The following MAST4 variants were observed in gnomAD, a reference collection of about 807,000 sequenced individuals.
MAST4 encodes the protein microtubule-associated serine/threonine-protein kinase 4.
Under a neutral mutation model 162.7 loss-of-function variants are expected in MAST4, and 89 were observed. The ratio of observed to expected loss-of-function variants is 0.55; its 90% confidence interval spans 0.46 to 0.65. MAST4 has a LOEUF of 0.65. Ranked by LOEUF, MAST4 falls within the 30% of genes least tolerant of loss-of-function variation. MAST4 has a pLI of 0.00. For missense variants in MAST4, 3,153 were observed against 3,374.0 expected (o/e 0.93, Z 1.62); for synonymous variants, 1,479 against 1,361.1 (o/e 1.09, Z -1.91).
chr5:66,976,841 A>C (rs1373833505), intron 4 of MAST4, among the ~76,000 whole-genome samples: 1 of 151,770 alleles, frequency 6.6e-6, no homozygotes, highest in Non-Finnish European at 1.5e-5. Flanking sequence ...TTTGAGATTA[A>C]ATAGAATATG....
chr5:67,057,373 T>A (rs1758965031), intron 5 of MAST4, among the ~76,000 whole-genome samples: 1 of 151,510 alleles, frequency 6.6e-6, no homozygotes, highest in African/African-American at 2.4e-5. Flanking sequence ...TTTTCTTAGG[T>A]GGGGATTACA....
At chr5:66,664,514 C>G (rs1273006343) in intron 1 of MAST4, among the ~76,000 whole-genome samples, 1 of 146,028 alleles carries the variant, frequency 6.8e-6, no homozygotes, top group Admixed American at 7.0e-5. Context: ...GCTTACAAGA[C>G]AGCCAAGTGT....
chr5:67,038,699 AT>A (rs1262734128), intron 4 of MAST4, among the ~76,000 whole-genome samples: 1 of 152,176 alleles, frequency 6.6e-6, no homozygotes, highest in Non-Finnish European at 1.5e-5. Context: ...ATATTGACAC[AT>A]TTAGATACAA....
At chr5:66,752,288 A>G (rs1329497361) in intron 1 of MAST4, among the ~76,000 whole-genome samples, 1 of 151,960 alleles carries the variant, frequency 6.6e-6, no homozygotes, top group Non-Finnish European at 1.5e-5. Context: ...AAATTCACAC[A>G]TAACAATATT....
intron 4 of MAST4, among the ~76,000 whole-genome samples, chr5:67,045,629 G>T (rs1218746061): frequency 6.6e-6 from 1 of 152,114 alleles, no homozygotes; most frequent in East Asian, 1.9e-4. Flanking sequence ...CAACCTGAAA[G>T]GAAAAGTCCA....
At chr5:67,097,850 T>C (rs1764627980) in intron 7 of MAST4, among the ~76,000 whole-genome samples, 1 of 152,134 alleles carries the variant, frequency 6.6e-6, no homozygotes, top group Admixed American at 6.5e-5. Flanking sequence ...TATTTTTTTC[T>C]CCTTATTGAT....
Position 67,145,167 on chromosome 5 carries a change from C to T in MAST4, c.2882C>T (p.Ser961Phe). 1 of 1,611,450 alleles carries T rather than the reference C, an allele frequency of 6.2e-7. No homozygotes were observed. Among genetic ancestry groups the T allele is most frequent in the Non-Finnish European group, 8.5e-7 (1 of 1,178,714 alleles). Reference sequence around the variant, plus strand: ...AGGCAACAGCTATCAACATCCAACTCTTCAGATACTGAAAGCAACAGACAT... The same window carrying T: ...AGGCAACAGCTATCAACATCCAACTTTTCAGATACTGAAAGCAACAGACAT... ...SEMQQLSTSN[S>F]SDTESNRHKL... is the part of the protein sequence containing the mutation. Residue 961 changes from serine to phenylalanine, a missense_variant, in exon 23 of 29, where the codon TCT (serine) becomes TTT (phenylalanine). Coordinates refer to ENST00000403625, the MANE Select transcript of MAST4 (RefSeq NM_001164664.2).
intron 14 of MAST4, among the ~76,000 whole-genome samples, chr5:67,124,821 C>T (rs1414573897): frequency 2.0e-5 from 3 of 152,148 alleles, no homozygotes; most frequent in African/African-American, 7.2e-5. Context: ...AGAATAAAGA[C>T]TAAAGCCGTT....
chr5:66,915,775 A>C (rs1764076949), intron 4 of MAST4, among the ~76,000 whole-genome samples: 1 of 152,176 alleles, frequency 6.6e-6, no homozygotes, highest in South Asian at 2.1e-4. Flanking sequence ...TGTCTCAGGG[A>C]CACAGGTCCT....
chr5:67,041,610 A>T (rs1756749763), intron 4 of MAST4, among the ~76,000 whole-genome samples: 1 of 152,196 alleles, frequency 6.6e-6, no homozygotes, highest in African/African-American at 2.4e-5. Context: ...TAATCTCCAC[A>T]TAGCCCTCTG....
At chr5:67,045,596 G>C (rs1356347574) in intron 4 of MAST4, among the ~76,000 whole-genome samples, 2 of 152,160 alleles carry the variant, frequency 1.3e-5, no homozygotes, top group Admixed American at 1.3e-4. Flanking sequence ...TATTTTTACT[G>C]TACCTCTATG....
intron 27 of MAST4, 46 bp from the exon 28 acceptor site, chr5:67,162,561 A>G: frequency 6.3e-7 from 1 of 1,582,028 alleles, no homozygotes; most frequent in South Asian, 1.1e-5. Flanking sequence ...GGAGGCAGCA[A>G]TAGTTCTGAA....
At chr5:67,146,572 A>C (rs565821880) in intron 23 of MAST4, among the ~76,000 whole-genome samples, 1 of 152,374 alleles carries the variant, frequency 6.6e-6, no homozygotes, top group Non-Finnish European at 1.5e-5. Flanking sequence ...CATTTTTTAA[A>C]CTAACTGAAT....
At chr5:67,049,045 G>A (rs2561448) in intron 4 of MAST4, among the ~76,000 whole-genome samples, 15,566 of 99,694 alleles carry the variant, frequency 0.16, 1,469 homozygotes, top group South Asian at 0.22. Context: ...ATATATACGT[G>A]TATATATATA....
chr5:67,142,352 A>G, intron 20 of MAST4, 69 bp from the exon 21 acceptor site: 1 of 1,515,164 alleles, frequency 6.6e-7, no homozygotes, highest in Non-Finnish European at 9.0e-7. Context: ...GATCCAGAAA[A>G]TCATAATTAA....
intron 2 of MAST4, among the ~76,000 whole-genome samples, chr5:66,779,624 A>T (rs1327023526): frequency 1.3e-5 from 2 of 152,120 alleles, no homozygotes; most frequent in Non-Finnish European, 2.9e-5. Context: ...GATGAAAGAA[A>T]CCATGTCTCT....
chr5:66,974,083 T>C (rs2150210895), intron 4 of MAST4, among the ~76,000 whole-genome samples: 5 of 152,338 alleles, frequency 3.3e-5, no homozygotes, highest in Admixed American at 3.3e-4. Flanking sequence ...TTAGCATCTA[T>C]AGTAAATGTT....
At chr5:67,006,144 C>T (rs949634347) in intron 4 of MAST4, among the ~76,000 whole-genome samples, 6 of 152,324 alleles carry the variant, frequency 3.9e-5, no homozygotes, top group African/African-American at 1.2e-4. Context: ...TCCTGGAATA[C>T]TCACATACAC....
At chr5:67,126,775 A>T (rs185238102) in intron 14 of MAST4, among the ~76,000 whole-genome samples, 2 of 152,210 alleles carry the variant, frequency 1.3e-5, no homozygotes, top group Non-Finnish European at 2.9e-5. Flanking sequence ...TTCCAATTCT[A>T]TGAAAAAAGT....
Sources: gnomAD v4.1 joint callset for allele counts (sites outside exome capture counted in the v4.1 genomes callset) on GRCh38, gnomAD v4.1.1 for gene constraint, MANE v1.5 for transcripts, NCBI Gene and HGNC (gene_info 2026-07-23, HGNC 2026-07-21) for gene names.